Variants in NUP188 observed in about 807,000 individuals in gnomAD.
The protein encoded by NUP188 is nucleoporin NUP188.
Under a neutral mutation model 223.0 loss-of-function variants are expected in NUP188, and 97 were observed. The ratio of observed to expected loss-of-function variants is 0.43; its 90% confidence interval spans 0.37 to 0.51. The LOEUF (loss-of-function observed/expected upper bound fraction) is 0.51, where lower values mean the gene tolerates loss of function less well. Among genes scored for constraint, NUP188 ranks in the 20% least tolerant of loss-of-function variants. NUP188 has a pLI of 0.00. For missense variants in NUP188, 1,947 were observed against 2,175.6 expected, an observed-to-expected ratio of 0.89 and a Z score of 2.09; for synonymous variants, 869 against 828.0, an observed-to-expected ratio of 1.05 and a Z score of -0.85.
chr9:128,965,513 C>T (rs186407370), intron 8 of NUP188, among the ~76,000 whole-genome samples: 33 of 152,044 alleles, frequency 2.2e-4, no homozygotes, highest in Non-Finnish European at 3.5e-4. Flanking sequence ...AGTGCAGTGG[C>T]GCATTCTTGG....
chr9:128,965,967 T>G (rs557775193), intron 8 of NUP188, among the ~76,000 whole-genome samples: 1 of 151,794 alleles, frequency 6.6e-6, no homozygotes, highest in East Asian at 1.9e-4. Context: ...CCAGCTTTTT[T>G]TGTATTTTTA....
chr9:129,002,016 C>A, intron 36 of NUP188, 40 bp downstream of exon 36: 1 of 1,509,774 alleles, frequency 6.6e-7, no homozygotes, highest in Non-Finnish European at 9.2e-7. Flanking sequence ...AGCCTGACCA[C>A]CCTACAGTTC....
At chr9:128,996,695 C>G (rs531087265) in intron 30 of NUP188, among the ~76,000 whole-genome samples, 2 of 152,094 alleles carry the variant, frequency 1.3e-5, no homozygotes, top group Non-Finnish European at 2.9e-5. Context: ...AGGGTATAAC[C>G]TTTATGTCAC....
Position 129,006,969 on chromosome 9 carries a change from G to C in NUP188, c.*291G>C, listed in dbSNP as rs1842825508. On this transcript the variant is annotated 3_prime_UTR_variant, in exon 44 of 44. Transcript: ENST00000372577. ...GCATTCCCCACAGCACTGCCGGCCAGGGGAGAGGCGGCAGCCCAGCAGAGG... is the reference window on the plus strand; with the variant it reads ...GCATTCCCCACAGCACTGCCGGCCACGGGAGAGGCGGCAGCCCAGCAGAGG... 1 of 331,996 alleles carries C rather than the reference G, an allele frequency of 3.0e-6. No individual in the cohort carries two copies. The highest frequency in any genetic ancestry group is 5.5e-6 in the Non-Finnish European group (1 of 181,900). 20.6% of individuals were successfully genotyped at this position (331,996 alleles called of 1,614,324 possible). A position where few individuals can be genotyped will look rare whatever the true frequency, so the allele number is the denominator to read the frequency against.
chr9:128,955,039 C>T (rs1257178623), intron 3 of NUP188, among the ~76,000 whole-genome samples: 2 of 151,812 alleles, frequency 1.3e-5, no homozygotes, highest in Non-Finnish European at 2.9e-5. Context: ...TTAGTAGAGA[C>T]AGGGTTTCAC....
chr9:128,982,642 G>A lies in NUP188; in HGVS notation c.1610G>A (p.Ser537Asn). The change falls in exon 16 of 44, where the codon AGC becomes AAC. Residue 537 changes from serine to asparagine, a missense_variant. By Grantham distance (46) the Ser-to-Asn change is conservative. Coordinates refer to ENST00000372577, the MANE Select transcript of NUP188 (RefSeq NM_015354.3). ...AYLVRWEYSY[S>N]SWTLFTCEIE... is the part of the protein sequence containing the mutation. The stretch of plus-strand genomic sequence containing the variant: ...CTGGTACGCTGGGAATACTCCTATA[G>A]CAGCTGGACCCTCTTTACCTGCGAG... The A allele has an allele frequency of 6.2e-7, 1 of 1,614,148 alleles. No homozygotes were observed. The highest frequency in any genetic ancestry group is 1.1e-5 in the South Asian group (1 of 91,086).
At chr9:128,997,563 C>T (rs1842550645) in intron 30 of NUP188, among the ~76,000 whole-genome samples, 2 of 152,142 alleles carry the variant, frequency 1.3e-5, no homozygotes, top group Admixed American at 6.5e-5. Flanking sequence ...AATCATGGCT[C>T]ACTGCAGCCT....
intron 19 of NUP188, 134 bp from the exon 20 acceptor site, chr9:128,984,766 T>G: frequency 1.7e-6 from 1 of 572,224 alleles, no homozygotes; most frequent in Admixed American, 3.5e-5. Flanking sequence ...CTGTCTTGAT[T>G]GGATTATTTC....
At chr9:129,004,639 G>A (rs1037141363) in intron 38 of NUP188, 1 of 155,332 alleles carries the variant, frequency 6.4e-6, no homozygotes, top group African/African-American at 2.4e-5. Flanking sequence ...CGAGTAGCTG[G>A]GACTACAGGC....
chr9:128,993,282 T>C lies in NUP188; in HGVS notation c.2726T>C (p.Ile909Thr), dbSNP rs200712900. Residue 909 changes from isoleucine (I) to threonine (T), a missense_variant, in exon 26 of 44, where the codon ATT becomes ACT. Coordinates refer to ENST00000372577, the MANE Select transcript of NUP188 (RefSeq NM_015354.3). ...DAFLTRLQSK[I>T]EDMRIKVMIL... is the part of the protein sequence containing the mutation. ...TTCCTGACCCGATTGCAGAGCAAAA[T>C]TGAGGACATGCGCATCAAAGTCATG... The C allele has an allele frequency of 8.1e-6, 13 of 1,614,134 alleles. No homozygotes were observed. In the Admixed American group the frequency reaches 1.8e-4, roughly 23 times the overall value.
At position 129,003,430 on chromosome 9, in the gene NUP188, G is replaced by A; in HGVS notation, c.4410G>A (p.Leu1470=). The change falls in exon 38 of 44, where the codon CTG becomes CTA. Residue 1470 remains leucine (L), a synonymous_variant. Transcript: ENST00000372577. The stretch of plus-strand genomic sequence containing the variant: ...TCATGAAGGAGTGGCACTTCCACCT[G>A]CCTCAGCTCATGCGTGATATCCAGG... The part of the protein sequence containing the change: ...SNFMKEWHFH[L]PQLMRDIQVN... 4 of 1,612,020 alleles carry A rather than the reference G, an allele frequency of 2.5e-6. No homozygotes were observed. The highest frequency in any genetic ancestry group is 1.7e-4 in the Middle Eastern group (1 of 6,060).
intron 9 of NUP188, among the ~76,000 whole-genome samples, chr9:128,969,064 C>CTA (rs1287368418): frequency 6.6e-6 from 1 of 152,150 alleles, no homozygotes; most frequent in African/African-American, 2.4e-5. Context: ...AGGTGATAGT[C>CTA]TATGGACTTT....
intron 3 of NUP188, among the ~76,000 whole-genome samples, chr9:128,953,955 G>C (rs151328211): frequency 1.3e-5 from 2 of 151,634 alleles, no homozygotes; most frequent in South Asian, 4.2e-4. Flanking sequence ...TTGGCCTCCC[G>C]AGTGGCTGGG....
At chr9:128,966,198 T>C (rs1183193713) in intron 8 of NUP188, among the ~76,000 whole-genome samples, 1 of 149,756 alleles carries the variant, frequency 6.7e-6, no homozygotes, top group Non-Finnish European at 1.5e-5. Flanking sequence ...CTTTAGTTTT[T>C]ATATATGTAT....
chr9:128,967,165 G>T (rs1324681474), intron 8 of NUP188, among the ~76,000 whole-genome samples: 1 of 152,012 alleles, frequency 6.6e-6, no homozygotes, highest in East Asian at 1.9e-4. Flanking sequence ...GCACCTCTAT[G>T]CCTGGCTCAT....
intron 31 of NUP188, 112 bp from the exon 32 acceptor site, chr9:128,998,426 C>A: frequency 9.3e-7 from 1 of 1,074,696 alleles, no homozygotes. Flanking sequence ...CCCCTCCACT[C>A]CACTCCTGTG....
chr9:128,991,528 G>A (rs1211902597), intron 25 of NUP188, among the ~76,000 whole-genome samples: 3 of 140,156 alleles, frequency 2.1e-5, no homozygotes, highest in Non-Finnish European at 4.7e-5. Flanking sequence ...GTGAGACACC[G>A]CCTCAAAAAA....
chr9:128,979,431 C>A (rs1842225277), intron 13 of NUP188, 104 bp downstream of exon 13: 2 of 774,468 alleles, frequency 2.6e-6, no homozygotes, highest in Non-Finnish European at 4.3e-6. Flanking sequence ...CTCATTTAAT[C>A]TTCATAAAAA....
chr9:128,971,291 A>G (rs752823690), intron 11 of NUP188, among the ~76,000 whole-genome samples: 2 of 152,208 alleles, frequency 1.3e-5, no homozygotes, highest in Non-Finnish European at 2.9e-5. Context: ...TTAAGAAGAT[A>G]GCTTTGGCCA....
Sources: allele counts gnomAD v4.1 joint callset (sites outside exome capture counted in the v4.1 genomes callset), GRCh38; gene constraint gnomAD v4.1.1; transcripts MANE v1.5; gene names NCBI Gene and HGNC (gene_info 2026-07-23, HGNC 2026-07-21).